DOCK5: variants seen among roughly 807,000 people sequenced by gnomAD.
DOCK5 encodes dedicator of cytokinesis 5, also known as dedicator of cytokinesis protein 5.
Under a neutral mutation model 251.8 loss-of-function variants are expected in DOCK5, and 142 were observed. The observed-to-expected ratio is 0.56, with a 90% CI of 0.49 to 0.65. The LOEUF is 0.65. Ranked by LOEUF, DOCK5 falls within the 30% of genes least tolerant of loss-of-function variation. The probability of loss-of-function intolerance (pLI) is 0.00; values close to 1 mark genes in which losing one functional copy is unlikely to be tolerated. For missense variants in DOCK5, 2,111 were observed against 2,312.3 expected, an observed-to-expected ratio of 0.91 and a Z score of 1.79; for synonymous variants, 842 against 835.5, an observed-to-expected ratio of 1.01 and a Z score of -0.13.
chr8:25,301,591 G>A lies in DOCK5; in HGVS notation c.847-734G>A, dbSNP rs143109739. 6.5e-3 allele frequency among the ~76,000 whole-genome samples: 986 copies of A among 151,896 alleles called. 3 individuals carry two copies. Among genetic ancestry groups the A allele is most frequent in the Middle Eastern group, 0.027 (8 of 292 alleles). ...TTAAGAAAACAAATAATGGCTGGGC[G>A]CGGTGGCTCATGTCTGTAATCCCAG... On this transcript the variant is annotated intron_variant, in intron 9 of 51. Transcript: ENST00000276440.
At chr8:25,410,235 G>A (rs756664959) in intron 51 of DOCK5, 33 bp downstream of exon 51, 2 of 1,584,112 alleles carry the variant, frequency 1.3e-6, no homozygotes, top group South Asian at 2.2e-5. Flanking sequence ...CTGTGGCCAG[G>A]GAGCGCCACT....
intron 30 of DOCK5, among the ~76,000 whole-genome samples, chr8:25,365,062 C>G (rs1225275100): frequency 2.0e-5 from 3 of 152,208 alleles, no homozygotes; most frequent in Non-Finnish European, 2.9e-5. Context: ...ACACAGGTAA[C>G]TCTCCTACCG....
chr8:25,197,010 G>A (rs1283233417), intron 1 of DOCK5, among the ~76,000 whole-genome samples: 1 of 151,416 alleles, frequency 6.6e-6, no homozygotes, highest in Non-Finnish European at 1.5e-5. Context: ...ACCAGCCTGG[G>A]CAACATAGTG....
chr8:25,194,445 C>T (rs1411613125), intron 1 of DOCK5, among the ~76,000 whole-genome samples: 2 of 152,126 alleles, frequency 1.3e-5, no homozygotes, highest in Non-Finnish European at 2.9e-5. Context: ...TCCCATATCC[C>T]CACCCTCCAT....
At chr8:25,395,819 G>T in intron 45 of DOCK5, 100 bp downstream of exon 45, 2 of 1,315,182 alleles carry the variant, frequency 1.5e-6, no homozygotes, top group Non-Finnish European at 2.1e-6. Flanking sequence ...TCCTACAGCT[G>T]CTCTAAGAAA....
intron 9 of DOCK5, among the ~76,000 whole-genome samples, chr8:25,301,761 C>A (rs945490410): frequency 2.0e-5 from 3 of 151,994 alleles, no homozygotes; most frequent in Non-Finnish European, 1.5e-5. Context: ...ATAGGTATTT[C>A]ATTGACACAT....
At chr8:25,326,114 T>C (rs1805557089) in intron 18 of DOCK5, among the ~76,000 whole-genome samples, 1 of 152,236 alleles carries the variant, frequency 6.6e-6, no homozygotes, top group Non-Finnish European at 1.5e-5. Context: ...ACCTCTCTTG[T>C]GTAGATTATG....
chr8:25,320,924 C>T (rs1175120817), intron 15 of DOCK5, 56 bp from the exon 16 acceptor site: 2 of 1,488,526 alleles, frequency 1.3e-6, no homozygotes, highest in East Asian at 2.3e-5. Flanking sequence ...ATGAAATAAA[C>T]CATGCTTGCA....
chr8:25,208,166 G>T (rs1802047682), intron 1 of DOCK5, among the ~76,000 whole-genome samples: 1 of 152,204 alleles, frequency 6.6e-6, no homozygotes, highest in African/African-American at 2.4e-5. Context: ...AACTTGAGCA[G>T]AGAAGAGTTA....
At chr8:25,320,711 C>G (rs1805400669) in intron 15 of DOCK5, among the ~76,000 whole-genome samples, 1 of 152,198 alleles carries the variant, frequency 6.6e-6, no homozygotes, top group Non-Finnish European at 1.5e-5. Context: ...ACCAGTATTT[C>G]CCCTCTGAAG....
intron 1 of DOCK5, among the ~76,000 whole-genome samples, chr8:25,234,593 C>A (rs1027104499): frequency 1.3e-5 from 2 of 152,106 alleles, no homozygotes; most frequent in Non-Finnish European, 2.9e-5. Context: ...ATAACATTAG[C>A]ATGTGTACCT....
chr8:25,339,405 A>C (rs1447266789), intron 22 of DOCK5, among the ~76,000 whole-genome samples: 2 of 152,180 alleles, frequency 1.3e-5, no homozygotes, highest in East Asian at 1.9e-4. Context: ...CTTTTGCAGC[A>C]TATGTGACCA....
intron 34 of DOCK5, among the ~76,000 whole-genome samples, chr8:25,371,006 C>T (rs184551811): frequency 1.3e-5 from 2 of 152,194 alleles, no homozygotes; most frequent in Non-Finnish European, 2.9e-5. Context: ...CTACTCTAGA[C>T]CATTGCTTTC....
chr8:25,377,541 T>A (rs1800985831), intron 38 of DOCK5, 117 bp downstream of exon 38: 1 of 1,311,802 alleles, frequency 7.6e-7, no homozygotes, highest in Non-Finnish European at 1.0e-6. Context: ...CAGGGCACTG[T>A]CTCCAACGAG....
chr8:25,260,101 C>T (rs141507647), intron 2 of DOCK5, among the ~76,000 whole-genome samples: 39 of 152,262 alleles, frequency 2.6e-4, no homozygotes, highest in African/African-American at 7.2e-4. Flanking sequence ...TGTCCTGTGA[C>T]GAGTTTGCAC....
intron 1 of DOCK5, among the ~76,000 whole-genome samples, chr8:25,215,932 T>TATACACAC (rs1389586266): frequency 1.3e-4 from 18 of 141,264 alleles, no homozygotes; most frequent in African/African-American, 3.8e-4. Context: ...TGGAAATAAA[T>TATACACAC]ACACACACAC....
At chr8:25,406,511 C>A (rs541436358) in intron 48 of DOCK5, among the ~76,000 whole-genome samples, 115 of 152,258 alleles carry the variant, frequency 7.6e-4, no homozygotes, top group African/African-American at 2.4e-3. Context: ...ATTATGCATT[C>A]TTTTCCGTTG....
intron 2 of DOCK5, among the ~76,000 whole-genome samples, chr8:25,259,596 C>T (rs543998320): frequency 1.3e-5 from 2 of 152,260 alleles, no homozygotes; most frequent in East Asian, 1.9e-4. Context: ...GTTGGGACTA[C>T]AGGCATACAT....
chr8:25,358,697 A>G (rs1393532625), intron 27 of DOCK5, among the ~76,000 whole-genome samples: 1 of 152,194 alleles, frequency 6.6e-6, no homozygotes, highest in Non-Finnish European at 1.5e-5. Flanking sequence ...TTCACTGGTA[A>G]TCTCATTGAG....
Sources: allele counts gnomAD v4.1 joint callset (sites outside exome capture counted in the v4.1 genomes callset), GRCh38; gene constraint gnomAD v4.1.1; transcripts MANE v1.5; gene names NCBI Gene and HGNC (gene_info 2026-07-23, HGNC 2026-07-21).